Variants in RBFOX1 observed in about 807,000 individuals in gnomAD.
RBFOX1 encodes the protein RNA binding fox-1 homolog 1, also known as RNA binding protein fox-1 homolog 1.
In RBFOX1, 8 loss-of-function variants were observed where a neutral mutation model predicts 57.7. The observed-to-expected ratio is 0.14, with a 90% confidence interval of 0.08 to 0.25. RBFOX1 has a LOEUF of 0.25. RBFOX1 is among the 10% of genes least tolerant of loss of function. RBFOX1 has a pLI of 1.00. For synonymous variants in RBFOX1, 326 were observed against 222.4 expected, an observed-to-expected ratio of 1.47 and a Z score of -4.15; for missense variants, 611 against 548.5, an observed-to-expected ratio of 1.11 and a Z score of -1.14.
chr16:7,318,430 C>T (rs1411210250), intron 4 of RBFOX1, among the ~76,000 whole-genome samples: 2 of 152,054 alleles, frequency 1.3e-5, no homozygotes, highest in Non-Finnish European at 2.9e-5. Flanking sequence ...AGAATAGTTT[C>T]ACACATAAGT....
chr16:5,354,594 A>T (rs1000904358), intron 1 of RBFOX1, among the ~76,000 whole-genome samples: 9 of 152,234 alleles, frequency 5.9e-5, no homozygotes, highest in Non-Finnish European at 1.3e-4. Context: ...CTTTAATCTT[A>T]AGCCGCTTTT....
At chr16:6,126,531 C>A (rs1182392340) in intron 1 of RBFOX1, among the ~76,000 whole-genome samples, 1 of 152,150 alleles carries the variant, frequency 6.6e-6, no homozygotes, top group East Asian at 1.9e-4. Context: ...AGACATAGTA[C>A]ATGGTAAAGT....
intron 4 of RBFOX1, among the ~76,000 whole-genome samples, chr16:5,938,933 G>T (rs1003205810): frequency 2.0e-5 from 3 of 152,196 alleles, no homozygotes; most frequent in Non-Finnish European, 2.9e-5. Flanking sequence ...ATGAGTTTAT[G>T]TCCTTTGTAG....
At chr16:6,193,484 C>T (rs1230497404) in intron 1 of RBFOX1, among the ~76,000 whole-genome samples, 2 of 139,496 alleles carry the variant, frequency 1.4e-5, no homozygotes, top group Non-Finnish European at 3.1e-5. Context: ...GTTGGATAGA[C>T]ATTATCATTT....
rs12102446 is a variant in RBFOX1 at position 6,982,265 on chromosome 16, C to G, written c.-15-69792C>G. 3.9e-3 allele frequency among the ~76,000 whole-genome samples: 597 copies of G among 152,288 alleles called. 9 individuals are homozygous for G. Among genetic ancestry groups the G allele is most frequent in the African/African-American group, 0.014 (569 of 41,554 alleles). ...TGTAGCTGCTTTCAATTTGAAAACC[C>G]TTTTCCAGGTAACAAAGATTGACCT... On this transcript the variant is annotated intron_variant, in intron 3 of 15. Transcript: ENST00000550418.
chr16:6,459,436 G>T (rs7190643), intron 2 of RBFOX1, among the ~76,000 whole-genome samples: 1,708 of 152,116 alleles, frequency 0.011, 32 homozygotes, highest in African/African-American at 0.038. Context: ...ATGAATTTAG[G>T]TACACCAAGA....
chr16:5,501,306 A>C (rs1225108052), intron 2 of RBFOX1, among the ~76,000 whole-genome samples: 1 of 129,100 alleles, frequency 7.7e-6, no homozygotes, highest in Non-Finnish European at 1.6e-5. Context: ...TGACAAAACG[A>C]GACTCTGTCT....
chr16:7,671,171 C>G (rs1356831481), intron 13 of RBFOX1, among the ~76,000 whole-genome samples: 2 of 152,192 alleles, frequency 1.3e-5, no homozygotes, highest in South Asian at 2.1e-4. Context: ...AGGCATTCAT[C>G]TTAAATCCTT....
intron 3 of RBFOX1, among the ~76,000 whole-genome samples, chr16:5,738,645 A>AAAAAAAAAT (rs2052667153): frequency 6.6e-6 from 1 of 151,668 alleles, no homozygotes; most frequent in South Asian, 2.1e-4. Flanking sequence ...GAAAAAAAAA[A>AAAAAAAAAT]AAAAAAAAAA....
intron 2 of RBFOX1, among the ~76,000 whole-genome samples, chr16:6,602,368 TG>T (rs1184851942): frequency 6.6e-6 from 1 of 152,202 alleles, no homozygotes; most frequent in Non-Finnish European, 1.5e-5. Context: ...CTGTACTTTT[TG>T]TCCTGAGCTG....
At position 7,583,551 on chromosome 16, in the gene RBFOX1, T is replaced by G. The variant is rs183122635; in HGVS notation, c.414+3631T>G. 5.0e-3 allele frequency among the ~76,000 whole-genome samples: 755 copies of G among 152,352 alleles called. 7 individuals carry two copies. The highest frequency in any genetic ancestry group is 0.017 in the African/African-American group (723 of 41,572). ...CAAGTGGATTGTGATATATCCAGAC[T>G]TCTGCTACAACAGATGGATGGATGT... On this transcript the variant is annotated intron_variant, in intron 6 of 15. Coordinates refer to ENST00000550418, the MANE Select transcript of RBFOX1 (RefSeq NM_018723.4).
chr16:5,835,666 T>G (rs2151836490), intron 3 of RBFOX1, among the ~76,000 whole-genome samples: 1 of 152,356 alleles, frequency 6.6e-6, no homozygotes, highest in African/African-American at 2.4e-5. Context: ...ACCCTTCTTC[T>G]TAAGGTTTTA....
intron 4 of RBFOX1, among the ~76,000 whole-genome samples, chr16:7,392,143 C>A (rs1414109750): frequency 6.6e-6 from 1 of 152,164 alleles, no homozygotes; most frequent in Non-Finnish European, 1.5e-5. Flanking sequence ...GCTTTTCCTC[C>A]ATCAAAAATG....
At chr16:7,468,065 C>G (rs930434316) in intron 4 of RBFOX1, among the ~76,000 whole-genome samples, 1 of 152,230 alleles carries the variant, frequency 6.6e-6, no homozygotes, top group African/African-American at 2.4e-5. Context: ...ACAGAATCAG[C>G]TTAGCTGCTT....
chr16:7,559,498 T>C (rs1250981560), intron 5 of RBFOX1, among the ~76,000 whole-genome samples: 2 of 152,148 alleles, frequency 1.3e-5, no homozygotes, highest in Non-Finnish European at 2.9e-5. Flanking sequence ...AAAGTCTTTC[T>C]TTTTAGGTGG....
intron 2 of RBFOX1, among the ~76,000 whole-genome samples, chr16:5,476,656 G>T (rs1201794094): frequency 6.6e-6 from 1 of 152,190 alleles, no homozygotes; most frequent in Non-Finnish European, 1.5e-5. Flanking sequence ...ACTTGTTGAG[G>T]ACAAGATACA....
At chr16:6,007,270 T>C (rs1741796003) in intron 4 of RBFOX1, among the ~76,000 whole-genome samples, 1 of 152,166 alleles carries the variant, frequency 6.6e-6, no homozygotes, top group South Asian at 2.1e-4. Context: ...AAGAAGTCAG[T>C]TTCCCGCTTG....
chr16:6,198,498 A>G (rs191482081), intron 1 of RBFOX1, among the ~76,000 whole-genome samples: 1 of 152,322 alleles, frequency 6.6e-6, no homozygotes, highest in East Asian at 1.9e-4. Flanking sequence ...TGCTTTTGCG[A>G]TGAGTTATCT....
intron 3 of RBFOX1, among the ~76,000 whole-genome samples, chr16:5,686,447 C>G (rs961872897): frequency 6.6e-6 from 1 of 152,156 alleles, no homozygotes; most frequent in Non-Finnish European, 1.5e-5. Context: ...TAGTCAGAGT[C>G]AAACCCAAAG....
Sources: gnomAD v4.1 joint callset for allele counts (sites outside exome capture counted in the v4.1 genomes callset) on GRCh38, gnomAD v4.1.1 for gene constraint, MANE v1.5 for transcripts, NCBI Gene and HGNC (gene_info 2026-07-23, HGNC 2026-07-21) for gene names.